The following E2F3 variants were observed in gnomAD, a reference collection of about 807,000 sequenced individuals.
The protein encoded by E2F3 is transcription factor E2F3.
A neutral mutation model predicts 44.4 loss-of-function variants in E2F3; 11 were observed. The ratio of observed to expected loss-of-function variants is 0.25; its 90% CI spans 0.16 to 0.41. The LOEUF is 0.41. E2F3 is among the 10% of genes least tolerant of loss of function. E2F3 has a pLI of 1.00. For missense variants in E2F3, 487 were observed against 583.6 expected (o/e 0.83, Z 1.70); for synonymous variants, 249 against 253.0 (o/e 0.98, Z 0.15).
At chr6:20,463,740 T>C (rs924174151) in intron 1 of E2F3, among the ~76,000 whole-genome samples, 6 of 152,172 alleles carry the variant, frequency 3.9e-5, no homozygotes, top group African/African-American at 1.4e-4. Context: ...AGCAATTCAT[T>C]CTGCAGTGGA....
intron 1 of E2F3, among the ~76,000 whole-genome samples, chr6:20,440,509 G>A (rs1379667028): frequency 6.6e-6 from 1 of 152,184 alleles, no homozygotes; most frequent in Non-Finnish European, 1.5e-5. Flanking sequence ...GTACATGGGA[G>A]TCTTGGCTCC....
At chr6:20,450,270 C>T (rs1158065925) in intron 1 of E2F3, among the ~76,000 whole-genome samples, 1 of 151,984 alleles carries the variant, frequency 6.6e-6, no homozygotes, top group Non-Finnish European at 1.5e-5. Context: ...TTTTTGGCAA[C>T]CTCACCAGCA....
chr6:20,458,790 G>C (rs1004404417), intron 1 of E2F3, among the ~76,000 whole-genome samples: 5 of 152,190 alleles, frequency 3.3e-5, no homozygotes, highest in South Asian at 2.1e-4. Flanking sequence ...TGCTTCCCTA[G>C]AAGTCTTTGG....
intron 1 of E2F3, among the ~76,000 whole-genome samples, chr6:20,432,521 G>A (rs1306845382): frequency 6.6e-6 from 1 of 152,230 alleles, no homozygotes; most frequent in African/African-American, 2.4e-5. Context: ...CTTACGTTTA[G>A]GGAAAGCGTA....
At chr6:20,417,532 A>G (rs773990785) in intron 1 of E2F3, among the ~76,000 whole-genome samples, 12 of 152,138 alleles carry the variant, frequency 7.9e-5, no homozygotes, top group South Asian at 2.1e-4. Flanking sequence ...GTGTAATTAA[A>G]TAAACTTTTA....
At chr6:20,479,771 C>A in intron 1 of E2F3, 75 bp from the exon 2 acceptor site, 1 of 1,318,800 alleles carries the variant, frequency 7.6e-7, no homozygotes. Flanking sequence ...ATTTGGCAGG[C>A]CAGCCCACAA....
At chr6:20,443,959 C>T (rs888483646) in intron 1 of E2F3, among the ~76,000 whole-genome samples, 7 of 152,060 alleles carry the variant, frequency 4.6e-5, no homozygotes, top group African/African-American at 1.7e-4. Context: ...CTCCTGTAAT[C>T]CCAGCACCTT....
intron 1 of E2F3, among the ~76,000 whole-genome samples, chr6:20,458,824 G>A (rs549454294): frequency 2.0e-5 from 3 of 152,192 alleles, no homozygotes; most frequent in Non-Finnish European, 4.4e-5. Flanking sequence ...AGTAAGAAAG[G>A]TTCTTCCATT....
rs1561843674 is a variant in E2F3, at chr6:20,403,454, C to T, written c.393+829C>T. On this transcript the variant is annotated intron_variant, in intron 1 of 6. Transcript: ENST00000346618. ...TGTCCCCCTCTCCGCCCCCCGGCGA[C>T]GGAGGGCGGGGGCAGCTGGGTTCCC... Among the ~76,000 whole-genome samples, 3 of 152,034 alleles carry T rather than the reference C, an allele frequency of 2.0e-5. No homozygotes were observed. In the South Asian group the frequency reaches 6.2e-4, roughly 31 times the overall value.
chr6:20,411,298 G>T (rs919512835), intron 1 of E2F3, among the ~76,000 whole-genome samples: 1 of 152,198 alleles, frequency 6.6e-6, no homozygotes, highest in Non-Finnish European at 1.5e-5. Flanking sequence ...GGCCCTGCCA[G>T]ACTCGGAGCC....
intron 1 of E2F3, among the ~76,000 whole-genome samples, chr6:20,408,401 G>C (rs1328252098): frequency 1.3e-5 from 2 of 152,158 alleles, no homozygotes; most frequent in Admixed American, 1.3e-4. Flanking sequence ...TTTATATTCT[G>C]TTCACACTTG....
intron 1 of E2F3, among the ~76,000 whole-genome samples, chr6:20,410,213 A>G (rs1441552912): frequency 3.3e-5 from 5 of 152,142 alleles, no homozygotes; most frequent in African/African-American, 1.2e-4. Context: ...GGCCCACACT[A>G]TCTCCTGTGT....
At chr6:20,480,109 A>T (rs1439982805) in intron 2 of E2F3, 152 bp downstream of exon 2, 1 of 1,405,406 alleles carries the variant, frequency 7.1e-7, no homozygotes, top group Non-Finnish European at 9.3e-7. Context: ...AAATAAATAC[A>T]ATGTCAGCAG....
chr6:20,475,199 A>G (rs1762006933), intron 1 of E2F3, among the ~76,000 whole-genome samples: 1 of 152,258 alleles, frequency 6.6e-6, no homozygotes, highest in Non-Finnish European at 1.5e-5. Context: ...TAGCTTGTCC[A>G]TCTAGCATTC....
intron 1 of E2F3, chr6:20,445,071 A>C: frequency 1.0e-6 from 1 of 985,386 alleles, no homozygotes; most frequent in African/African-American, 1.7e-5. Context: ...CCTGAGTGTC[A>C]AGTTCCTCCT....
chr6:20,414,262 C>CT (rs1228950105), intron 1 of E2F3, among the ~76,000 whole-genome samples: 1 of 152,172 alleles, frequency 6.6e-6, no homozygotes, highest in Non-Finnish European at 1.5e-5. Context: ...GGGATCGATG[C>CT]TGTCAGGGCT....
At chr6:20,415,427 G>C (rs890056855) in intron 1 of E2F3, among the ~76,000 whole-genome samples, 1 of 152,156 alleles carries the variant, frequency 6.6e-6, no homozygotes, top group African/African-American at 2.4e-5. Flanking sequence ...GTTAACAGTG[G>C]TGGAGGGCTG....
intron 1 of E2F3, among the ~76,000 whole-genome samples, chr6:20,426,929 C>T (rs892441783): frequency 2.6e-5 from 4 of 152,288 alleles, no homozygotes; most frequent in African/African-American, 9.6e-5. Context: ...CTAAATGTGG[C>T]TCCATGAAAC....
chr6:20,453,825 G>C (rs901417783), intron 1 of E2F3, among the ~76,000 whole-genome samples: 3 of 152,160 alleles, frequency 2.0e-5, no homozygotes, highest in African/African-American at 4.8e-5. Context: ...AATGAAAAAT[G>C]CCCACTATTC....
Sources: gnomAD v4.1 joint callset for allele counts (sites outside exome capture counted in the v4.1 genomes callset) on GRCh38, gnomAD v4.1.1 for gene constraint, MANE v1.5 for transcripts, NCBI Gene and HGNC (gene_info 2026-07-23, HGNC 2026-07-21) for gene names.